Variants in PARD3B observed in about 807,000 individuals in gnomAD.
The protein encoded by PARD3B is partitioning defective 3 homolog B.
Under a neutral mutation model 130.2 loss-of-function variants are expected in PARD3B, and 103 were observed. The observed-to-expected ratio is 0.79, with a 90% CI of 0.67 to 0.93. The LOEUF (loss-of-function observed/expected upper bound fraction) is 0.93, where lower values mean the gene tolerates loss of function less well. Among genes scored for constraint, PARD3B ranks in the 40% least tolerant of loss-of-function variants. The probability of loss-of-function intolerance (pLI) is 0.00; values close to 1 mark genes in which losing one functional copy is unlikely to be tolerated. For missense variants in PARD3B, 1,609 were observed against 1,499.2 expected (o/e 1.07, Z -1.21); for synonymous variants, 583 against 553.2 (o/e 1.05, Z -0.76).
Position 205,618,703 on chromosome 2 carries a change from G to A in PARD3B, c.*2890G>A, listed in dbSNP as rs190912995. On this transcript the variant is annotated 3_prime_UTR_variant, in exon 23 of 23. Coordinates refer to ENST00000406610, the MANE Select transcript of PARD3B (RefSeq NM_001302769.2). ...TTTTCTCCCTTTTTGCAGGAGTAGAGAGATGAAAGAGGACAGACCATTGAA... is the reference window on the plus strand; with the variant it reads ...TTTTCTCCCTTTTTGCAGGAGTAGAAAGATGAAAGAGGACAGACCATTGAA... 13 of 152,284 alleles carry A rather than the reference G, an allele frequency of 8.5e-5. No homozygotes were observed. Among genetic ancestry groups the A allele is most frequent in the Admixed American group, 8.5e-4 (13 of 15,298 alleles). 9.4% of individuals were successfully genotyped at this position (152,284 alleles called of 1,614,324 possible). A position where few individuals can be genotyped will look rare whatever the true frequency, so the allele number is the denominator to read the frequency against.
At position 205,394,305 on chromosome 2, in the gene PARD3B, A is replaced by G. The variant is rs1228473550; in HGVS notation, c.2631-6708A>G. On this transcript the variant is annotated intron_variant, in intron 18 of 22. Coordinates refer to ENST00000406610, the MANE Select transcript of PARD3B (RefSeq NM_001302769.2). ...AATCTTTGATTTCTTAAATTCTACT[A>G]AGAGATCTCATTTTGTGGATAGAAA... 2.0e-5 allele frequency among the ~76,000 whole-genome samples: 3 copies of G among 152,252 alleles called. No individual in the cohort carries two copies. In the East Asian group the frequency reaches 5.8e-4, roughly 29 times the overall value.
chr2:204,641,016 A>G (rs1376777466), intron 1 of PARD3B, among the ~76,000 whole-genome samples: 1 of 148,024 alleles, frequency 6.8e-6, no homozygotes, highest in Non-Finnish European at 1.5e-5. Context: ...ATATGAAAGT[A>G]TGTATATATT....
At chr2:205,319,025 T>G (rs1324115334) in intron 18 of PARD3B, among the ~76,000 whole-genome samples, 1 of 152,148 alleles carries the variant, frequency 6.6e-6, no homozygotes, top group Non-Finnish European at 1.5e-5. Flanking sequence ...TCCCTTCCTC[T>G]CATATCCTCT....
chr2:204,998,526 A>G (rs1182923824), intron 3 of PARD3B, among the ~76,000 whole-genome samples: 4 of 120,288 alleles, frequency 3.3e-5, no homozygotes, highest in African/African-American at 1.3e-4. Context: ...GTGTGTGTAT[A>G]TATATGTGTG....
chr2:205,462,556 G>A (rs969915573), intron 20 of PARD3B, among the ~76,000 whole-genome samples: 4 of 152,038 alleles, frequency 2.6e-5, no homozygotes, highest in Non-Finnish European at 5.9e-5. Context: ...AAAACAGCCT[G>A]CTATTTTTCC....
chr2:204,759,266 A>C (rs977566800), intron 2 of PARD3B, among the ~76,000 whole-genome samples: 3 of 152,128 alleles, frequency 2.0e-5, no homozygotes, highest in Non-Finnish European at 4.4e-5. Context: ...TTGTAGTGTT[A>C]ATTTATTTCA....
At chr2:204,706,236 A>C (rs897638918) in intron 2 of PARD3B, among the ~76,000 whole-genome samples, 1 of 151,902 alleles carries the variant, frequency 6.6e-6, no homozygotes, top group African/African-American at 2.4e-5. Context: ...GCATGGTGGC[A>C]GGTGCCTGTA....
chr2:205,488,150 A>C (rs2049520100), intron 20 of PARD3B, among the ~76,000 whole-genome samples: 1 of 152,166 alleles, frequency 6.6e-6, no homozygotes, highest in African/African-American at 2.4e-5. Flanking sequence ...TCATTACATG[A>C]GACAAAAATT....
rs958394382 is a variant in PARD3B at position 205,268,786 on chromosome 2, A to G, written c.2185+22964A>G. Among the ~76,000 whole-genome samples, 3 of 152,166 alleles carry G rather than the reference A, an allele frequency of 2.0e-5. No homozygotes were observed. The highest frequency in any genetic ancestry group is 4.4e-5 in the Non-Finnish European group (3 of 68,016). On this transcript the variant is annotated intron_variant, in intron 16 of 22. Transcript: ENST00000406610. The surrounding 1 kb of genome is among the most constrained non-coding windows in gnomAD (Gnocchi z 4.1). ...CTCTTTGGGGAAAATATTGAAATGC[A>G]TGGTTTTAAGTGATGCTGGCTAGAA...
intron 22 of PARD3B, among the ~76,000 whole-genome samples, chr2:205,614,443 C>G (rs1158170412): frequency 6.6e-6 from 1 of 152,092 alleles, no homozygotes; most frequent in African/African-American, 2.4e-5. Context: ...GTGGCTCACG[C>G]CTGTAATCTC....
At chr2:205,324,098 CA>C (rs1410683421) in intron 18 of PARD3B, among the ~76,000 whole-genome samples, 1 of 152,116 alleles carries the variant, frequency 6.6e-6, no homozygotes, top group Non-Finnish European at 1.5e-5. Flanking sequence ...CTTCTTTTGT[CA>C]GGGGCTTTAC....
At chr2:205,297,965 T>C (rs2041856069) in intron 16 of PARD3B, among the ~76,000 whole-genome samples, 1 of 152,222 alleles carries the variant, frequency 6.6e-6, no homozygotes, top group East Asian at 1.9e-4. Flanking sequence ...TTGCTTAGAA[T>C]GAGGAACAGT....
At chr2:205,356,692 A>C (rs1195600281) in intron 18 of PARD3B, among the ~76,000 whole-genome samples, 1 of 152,064 alleles carries the variant, frequency 6.6e-6, no homozygotes, top group Non-Finnish European at 1.5e-5. Flanking sequence ...GGAGTTCAAC[A>C]CCAGCCTGGC....
chr2:204,571,627 C>G (rs749094202), intron 1 of PARD3B, among the ~76,000 whole-genome samples: 2 of 152,124 alleles, frequency 1.3e-5, no homozygotes, highest in Non-Finnish European at 2.9e-5. Flanking sequence ...TATATCTCGT[C>G]TCCCTAATTA....
intron 2 of PARD3B, among the ~76,000 whole-genome samples, chr2:204,951,691 T>TG: frequency 6.6e-6 from 1 of 152,084 alleles, no homozygotes; most frequent in Admixed American, 6.6e-5. Context: ...TACATGAGAG[T>TG]GGGATTGTCA....
chr2:204,858,495 A>G (rs2045046918), intron 2 of PARD3B, among the ~76,000 whole-genome samples: 1 of 144,996 alleles, frequency 6.9e-6, no homozygotes, highest in Non-Finnish European at 1.5e-5. Flanking sequence ...TTATATGTGG[A>G]ATCTAAAAAA....
rs374066579 is a variant in PARD3B, at chr2:205,376,771, G to T, written c.2631-24242G>T. Among the ~76,000 whole-genome samples the T allele has an allele frequency of 2.6e-5, 4 of 152,140 alleles. No individual in the cohort carries two copies. The East Asian group carries it at 5.8e-4, about 22-fold the overall frequency. On this transcript the variant is annotated intron_variant, in intron 18 of 22. Coordinates refer to ENST00000406610, the MANE Select transcript of PARD3B (RefSeq NM_001302769.2). Reference sequence around the variant, plus strand: ...TCCTGAGGCAAGAGAAAATAAATTGGAGGTTGTATGTAGGTGGCTACAGCA... The same window carrying T: ...TCCTGAGGCAAGAGAAAATAAATTGTAGGTTGTATGTAGGTGGCTACAGCA...
At chr2:204,762,415 C>T (rs899018529) in intron 2 of PARD3B, among the ~76,000 whole-genome samples, 9 of 152,134 alleles carry the variant, frequency 5.9e-5, no homozygotes, top group African/African-American at 1.2e-4. Context: ...TGAGCCACGG[C>T]GCCCAACCCG....
chr2:205,510,644 A>G (rs1487940389), intron 21 of PARD3B, among the ~76,000 whole-genome samples: 1 of 152,234 alleles, frequency 6.6e-6, no homozygotes, highest in Admixed American at 6.5e-5. Context: ...TGCTAAAATC[A>G]AAGACCAGAA....
Sources: gnomAD v4.1 joint callset for allele counts (sites outside exome capture counted in the v4.1 genomes callset) on GRCh38, gnomAD v4.1.1 for gene constraint, Gnocchi (gnomAD v3.1) non-coding constraint, MANE v1.5 for transcripts, NCBI Gene and HGNC (gene_info 2026-07-23, HGNC 2026-07-21) for gene names.